KIAA1549L: variants seen among roughly 807,000 people sequenced by gnomAD.
KIAA1549L encodes UPF0606 protein KIAA1549L.
Under a neutral mutation model 160.7 loss-of-function variants are expected in KIAA1549L, and 88 were observed. That is an observed-to-expected ratio of 0.55 (90% CI 0.46 to 0.65). The LOEUF is 0.65. KIAA1549L is among the 30% of genes least tolerant of loss of function. KIAA1549L has a pLI of 0.00. For missense variants in KIAA1549L, 2,258 were observed against 2,437.5 expected (o/e 0.93, Z 1.55); for synonymous variants, 950 against 976.7 (o/e 0.97, Z 0.51).
intron 1 of KIAA1549L, among the ~76,000 whole-genome samples, chr11:33,526,698 A>C (rs1324727570): frequency 1.3e-5 from 2 of 152,212 alleles, no homozygotes; most frequent in Non-Finnish European, 1.5e-5. Flanking sequence ...GAAACTGTCT[A>C]CCCAAATAAG....
chr11:33,576,962 G>A (rs568973391), intron 10 of KIAA1549L, among the ~76,000 whole-genome samples: 1 of 152,252 alleles, frequency 6.6e-6, no homozygotes, highest in East Asian at 1.9e-4. Context: ...TAGAGCTAAG[G>A]GAATAGGTGA....
chr11:33,496,272 G>A lies in KIAA1549L; in HGVS notation c.239-45530G>A, dbSNP rs112626839. Among the ~76,000 whole-genome samples, 372 of 152,210 alleles carry A rather than the reference G, an allele frequency of 2.4e-3. 4 individuals carry two copies. The South Asian group carries it at 0.026, about 10-fold the overall frequency. ...GCCACCATGCCCAGCCACCACTTAA[G>A]AATGCCAGATCTCTCTTCACCCACA... is the stretch of plus-strand genomic sequence containing the variant. On this transcript the variant is annotated intron_variant, in intron 1 of 20. Transcript: ENST00000658780.
chr11:33,635,309 G>C lies in KIAA1549L; in HGVS notation c.5410-10377G>C, dbSNP rs186947052. On this transcript the variant is annotated intron_variant, in intron 16 of 20. Transcript: ENST00000658780. ...TTGGTGGAAAATAAAAATGGACATGGAGCCAGATAAATTTCATCATGGCCA... is the reference window on the plus strand; with the variant it reads ...TTGGTGGAAAATAAAAATGGACATGCAGCCAGATAAATTTCATCATGGCCA... 3.9e-5 allele frequency among the ~76,000 whole-genome samples: 6 copies of C among 152,310 alleles called. No individual in the cohort carries two copies. The East Asian group carries it at 1.2e-3, about 29-fold the overall frequency.
intron 8 of KIAA1549L, among the ~76,000 whole-genome samples, chr11:33,563,771 AATC>A (rs1854954873): frequency 6.6e-6 from 1 of 152,188 alleles, no homozygotes. Flanking sequence ...ACATTTACAA[AATC>A]ATGTTTTCTT....
intron 1 of KIAA1549L, among the ~76,000 whole-genome samples, chr11:33,391,887 A>C (rs1445285978): frequency 1.3e-5 from 2 of 152,220 alleles, no homozygotes; most frequent in Non-Finnish European, 2.9e-5. Flanking sequence ...AAATTTTTAC[A>C]AGATTCTTCT....
intron 1 of KIAA1549L, among the ~76,000 whole-genome samples, chr11:33,452,640 A>T (rs544702009): frequency 6.6e-6 from 1 of 151,026 alleles, no homozygotes; most frequent in East Asian, 1.9e-4. Flanking sequence ...GTATGTATGT[A>T]TGGGCAGAAA....
intron 1 of KIAA1549L, among the ~76,000 whole-genome samples, chr11:33,380,920 C>A (rs930936086): frequency 1.3e-5 from 2 of 152,016 alleles, no homozygotes; most frequent in African/African-American, 4.8e-5. Context: ...TTTGTTCATT[C>A]ATTCATTCCT....
intron 1 of KIAA1549L, among the ~76,000 whole-genome samples, chr11:33,436,748 C>T (rs998588663): frequency 2.0e-5 from 3 of 152,184 alleles, no homozygotes; most frequent in Non-Finnish European, 4.4e-5. Flanking sequence ...CAGTCTGGCT[C>T]TTCAATTCCT....
At chr11:33,435,200 G>T (rs951941877) in intron 1 of KIAA1549L, among the ~76,000 whole-genome samples, 5 of 152,126 alleles carry the variant, frequency 3.3e-5, no homozygotes, top group Non-Finnish European at 5.9e-5. Context: ...TTTTCCAAGG[G>T]TGTTTCTGAT....
chr11:33,403,863 T>G (rs545694330), intron 1 of KIAA1549L, among the ~76,000 whole-genome samples: 18 of 152,242 alleles, frequency 1.2e-4, no homozygotes, highest in Admixed American at 1.1e-3. Context: ...CTTGAAATTA[T>G]ATGTTTAAAT....
chr11:33,643,903 G>C (rs1035544188), intron 16 of KIAA1549L, among the ~76,000 whole-genome samples: 1 of 152,192 alleles, frequency 6.6e-6, no homozygotes, highest in Non-Finnish European at 1.5e-5. Flanking sequence ...AGGCAGATCT[G>C]CTGGCTTTCA....
At position 33,603,533 on chromosome 11, in the gene KIAA1549L, A is replaced by T. The variant is rs1459931628; in HGVS notation, c.4880-3108A>T. On this transcript the variant is annotated intron_variant, in intron 13 of 20. Coordinates refer to ENST00000658780, the MANE Select transcript of KIAA1549L (RefSeq NM_012194.3). ...TCAAGAAGGCCACTGTGGGCCGGGC[A>T]CGATGGCTCACGCCTGTAATCCCAG... is the stretch of plus-strand genomic sequence containing the variant. Among the ~76,000 whole-genome samples, 12 of 152,278 alleles carry T rather than the reference A, an allele frequency of 7.9e-5. No individual in the cohort carries two copies. The East Asian group carries it at 1.9e-3, about 25-fold the overall frequency.
Position 33,668,425 on chromosome 11 carries a change from C to T in KIAA1549L, c.*271C>T. 1 of 493,124 alleles carries T rather than the reference C, an allele frequency of 2.0e-6. No homozygotes were observed. The highest frequency in any genetic ancestry group is 3.6e-6 in the Non-Finnish European group (1 of 274,436). The allele number at this position is 493,124 out of a possible 1,614,324, so 30.5% of individuals were successfully genotyped here. On this transcript the variant is annotated 3_prime_UTR_variant, in exon 21 of 21. Coordinates refer to ENST00000658780, the MANE Select transcript of KIAA1549L (RefSeq NM_012194.3). ...CAAATGTTTGAACTTTGGGCATGTGCCCTATGGAAGCTTAGTCACAAGAGG... is the reference window on the plus strand; with the variant it reads ...CAAATGTTTGAACTTTGGGCATGTGTCCTATGGAAGCTTAGTCACAAGAGG...
chr11:33,499,758 T>G (rs1230075588), intron 1 of KIAA1549L, among the ~76,000 whole-genome samples: 1 of 152,248 alleles, frequency 6.6e-6, no homozygotes, highest in Non-Finnish European at 1.5e-5. Flanking sequence ...CTCTCTGACC[T>G]TCCTCAGAAC....
Position 33,670,329 on chromosome 11 carries a change from C to CTGTT in KIAA1549L, c.*2177_*2180dup, listed in dbSNP as rs1564953628. ...TCAGAAGACAGTGTCTGAAATTTGGCTGTTTCAATGACTTACAGAGACTGA... is the reference window on the plus strand; with the variant it reads ...TCAGAAGACAGTGTCTGAAATTTGGCTGTTTGTTTCAATGACTTACAGAGACTGA... On this transcript the variant is annotated 3_prime_UTR_variant, in exon 21 of 21. Transcript: ENST00000658780. 1 of 152,114 alleles carries CTGTT rather than the reference C, an allele frequency of 6.6e-6. No individual in the cohort carries two copies. The highest frequency in any genetic ancestry group is 2.4e-5 in the African/African-American group (1 of 41,386). 9.4% of individuals were successfully genotyped at this position (152,114 alleles called of 1,614,324 possible).
intron 1 of KIAA1549L, among the ~76,000 whole-genome samples, chr11:33,432,048 T>TG (rs1565134090): frequency 6.6e-6 from 1 of 151,978 alleles, no homozygotes; most frequent in African/African-American, 2.4e-5. Flanking sequence ...GTGCGGGGCC[T>TG]GCCAAGCCCA....
chr11:33,616,110 A>C (rs1193670707), intron 15 of KIAA1549L, among the ~76,000 whole-genome samples: 9 of 152,180 alleles, frequency 5.9e-5, no homozygotes, highest in African/African-American at 2.2e-4. Flanking sequence ...AAACTGGTTA[A>C]ATAAAAGGGG....
At chr11:33,389,774 C>T (rs776457484) in intron 1 of KIAA1549L, among the ~76,000 whole-genome samples, 3 of 152,322 alleles carry the variant, frequency 2.0e-5, no homozygotes, top group African/African-American at 4.8e-5. Flanking sequence ...TCACGGTTGT[C>T]GAAGCTTTCA....
chr11:33,403,792 A>G (rs1464064393), intron 1 of KIAA1549L, among the ~76,000 whole-genome samples: 1 of 151,866 alleles, frequency 6.6e-6, no homozygotes, highest in Non-Finnish European at 1.5e-5. Flanking sequence ...TTCATCACCC[A>G]TTAGTAGGTC....
Sources: allele counts gnomAD v4.1 joint callset (sites outside exome capture counted in the v4.1 genomes callset), GRCh38; gene constraint gnomAD v4.1.1; transcripts MANE v1.5; gene names NCBI Gene and HGNC (gene_info 2026-07-23, HGNC 2026-07-21).